Variants in GNB4 observed in about 807,000 individuals in gnomAD.
The protein encoded by GNB4 is guanine nucleotide-binding protein subunit beta-4.
GNB4 carries 28 observed loss-of-function variants against 45.2 expected under a neutral mutation model. That is an observed-to-expected ratio of 0.62 (90% CI 0.46 to 0.85). GNB4 has a LOEUF of 0.85. GNB4 is among the 40% of genes least tolerant of loss of function. The pLI, the probability that GNB4 is intolerant of heterozygous loss-of-function variation, is 0.00. For missense variants in GNB4, 321 were observed against 425.4 expected, an observed-to-expected ratio of 0.75 and a Z score of 2.16; for synonymous variants, 132 against 143.7, an observed-to-expected ratio of 0.92 and a Z score of 0.58.
At chr3:179,477,369 T>C in the GNB4 span, among the ~76,000 whole-genome samples, 1 of 152,382 alleles carries the variant, frequency 6.6e-6, no homozygotes, top group Admixed American at 6.5e-5. Flanking sequence ...CTTAGGAATT[T>C]CTTCCACCAG....
the GNB4 span, among the ~76,000 whole-genome samples, chr3:179,517,716 T>A: frequency 9.2e-5 from 14 of 152,190 alleles, no homozygotes; most frequent in South Asian, 2.9e-3. Context: ...CACACTTCAA[T>A]CTCTCCTTTA....
chr3:179,508,934 A>G, the GNB4 span, among the ~76,000 whole-genome samples: 21 of 135,550 alleles, frequency 1.5e-4, 1 homozygote, highest in African/African-American at 5.8e-4. Context: ...CAGCATGTGT[A>G]TATATATATA....
chr3:179,408,895 C>CA (rs1490608208), intron 8 of GNB4, among the ~76,000 whole-genome samples: 1 of 151,910 alleles, frequency 6.6e-6, no homozygotes, highest in Non-Finnish European at 1.5e-5. Flanking sequence ...TCCTGAAATC[C>CA]GAGCACTCTG....
chr3:179,411,466 CAAA>C (rs755966921), intron 8 of GNB4, among the ~76,000 whole-genome samples: 4 of 125,352 alleles, frequency 3.2e-5, no homozygotes, highest in Admixed American at 8.1e-5. Flanking sequence ...AATGTTTTGA[CAAA>C]AAAAAAAAAA....
In GNB4 at chr3:179,397,660, T is replaced by G. The variant is rs184301583; in HGVS notation, c.*3553A>C. The G allele has an allele frequency of 2.6e-5, 4 of 152,758 alleles. No individual in the cohort carries two copies. In the East Asian group the frequency reaches 7.7e-4, roughly 29 times the overall value. The allele number at this position is 152,758 out of a possible 1,614,324, so 9.5% of individuals were successfully genotyped here. ...CTAGGGAGGAACCTTGGATATTCAG[T>G]CTACATCTCAAACAGCATAGCTGCC... On this transcript the variant is annotated 3_prime_UTR_variant, in exon 10 of 10. Coordinates refer to ENST00000232564, the MANE Select transcript of GNB4 (RefSeq NM_021629.4).
intron 1 of GNB4, among the ~76,000 whole-genome samples, chr3:179,430,101 GACAGACAGACAGACAA>G (rs1188964930): frequency 6.6e-6 from 1 of 151,580 alleles, no homozygotes; most frequent in African/African-American, 2.4e-5. Context: ...CAGACAGACA[GACAGACAGACAGACAA>G]AGGCCTCACT....
At chr3:179,515,521 G>A in the GNB4 span, among the ~76,000 whole-genome samples, 1 of 152,168 alleles carries the variant, frequency 6.6e-6, no homozygotes, top group Non-Finnish European at 1.5e-5. Context: ...GGTGCTCAGT[G>A]GGGGAGCTTC....
the GNB4 span, among the ~76,000 whole-genome samples, chr3:179,521,836 A>G: frequency 1.3e-5 from 2 of 152,058 alleles, no homozygotes; most frequent in Non-Finnish European, 2.9e-5. Context: ...TATCCAGGCC[A>G]TCACCAATCA....
chr3:179,512,391 T>C, the GNB4 span, among the ~76,000 whole-genome samples: 1 of 152,214 alleles, frequency 6.6e-6, no homozygotes, highest in East Asian at 1.9e-4. Context: ...GAATTATATA[T>C]TCTTCAAGAA....
chr3:179,411,243 T>G (rs978709887), intron 8 of GNB4, among the ~76,000 whole-genome samples: 2 of 152,146 alleles, frequency 1.3e-5, no homozygotes, highest in Non-Finnish European at 2.9e-5. Context: ...GAAACTATTA[T>G]AGTTTCATTT....
the GNB4 span, among the ~76,000 whole-genome samples, chr3:179,468,035 A>AAAAAAAAAAAAAAAAAATAT: frequency 2.2e-5 from 2 of 89,854 alleles, no homozygotes; most frequent in African/African-American, 8.0e-5. Flanking sequence ...TGTTGATAAA[A>AAAAAAAAAAAAAAAAAATAT]ATATATATAT....
chr3:179,480,920 C>T, the GNB4 span, among the ~76,000 whole-genome samples: 1,605 of 147,006 alleles, frequency 0.011, 53 homozygotes, highest in East Asian at 0.096. Flanking sequence ...GGCGCGATCT[C>T]GGCTCACTGC....
chr3:179,522,732 T>C, the GNB4 span, among the ~76,000 whole-genome samples: 6 of 152,098 alleles, frequency 3.9e-5, no homozygotes, highest in South Asian at 1.3e-3. Flanking sequence ...GAAGGAAATA[T>C]GGGGAAATGG....
chr3:179,459,636 C>T, the GNB4 span, among the ~76,000 whole-genome samples: 1 of 150,774 alleles, frequency 6.6e-6, no homozygotes, highest in Admixed American at 6.6e-5. Context: ...GAGCCGAGAT[C>T]GTGCCATTGC....
the GNB4 span, among the ~76,000 whole-genome samples, chr3:179,477,818 G>GT: frequency 1.3e-5 from 2 of 152,040 alleles, no homozygotes; most frequent in African/African-American, 2.4e-5. Context: ...GACACTCTAG[G>GT]TTTTTTTCTA....
chr3:179,415,114 C>CTTCATTGTA, intron 5 of GNB4, 67 bp from the exon 6 acceptor site: 1 of 1,213,734 alleles, frequency 8.2e-7, no homozygotes, highest in Non-Finnish European at 1.1e-6. Flanking sequence ...AACCCATTTA[C>CTTCATTGTA]AATGAAGTAA....
At chr3:179,481,766 C>T in the GNB4 span, among the ~76,000 whole-genome samples, 3 of 152,190 alleles carry the variant, frequency 2.0e-5, no homozygotes, top group Non-Finnish European at 4.4e-5. Flanking sequence ...ATATATTTTG[C>T]TCAATCAACT....
rs559819011 is a variant in GNB4, at chr3:179,451,464, C to A, written c.-161G>T. On this transcript the variant is annotated 5_prime_UTR_variant, in exon 1 of 10. Transcript: ENST00000232564. ...AGCTCACAGCCGAGACCAGAGCCGC[C>A]GGCCACACCCAGTCCCGCACCTCCC... 1 of 150,960 alleles carries A rather than the reference C, an allele frequency of 6.6e-6. No individual in the cohort carries two copies. Among genetic ancestry groups the A allele is most frequent in the African/African-American group, 2.4e-5 (1 of 41,270 alleles). The allele number at this position is 150,960 out of a possible 1,614,324, so 9.4% of individuals were successfully genotyped here.
the GNB4 span, among the ~76,000 whole-genome samples, chr3:179,457,477 C>T: frequency 1.3e-5 from 2 of 152,092 alleles, no homozygotes; most frequent in African/African-American, 4.8e-5. Flanking sequence ...TTATGCCAAA[C>T]TCTCTCTCTG....
Sources: gnomAD v4.1 joint callset for allele counts (sites outside exome capture counted in the v4.1 genomes callset) on GRCh38, gnomAD v4.1.1 for gene constraint, MANE v1.5 for transcripts, NCBI Gene and HGNC (gene_info 2026-07-23, HGNC 2026-07-21) for gene names.